Variants in OR56B4 observed in about 807,000 individuals in gnomAD.
The protein encoded by OR56B4 is olfactory receptor 56B4.
For missense variants in OR56B4, 447 were observed against 384.6 expected, an observed-to-expected ratio of 1.16 and a Z score of -1.36; for synonymous variants, 142 against 149.5, an observed-to-expected ratio of 0.95 and a Z score of 0.37.
In OR56B4 at chr11:6,107,718, G is replaced by A; in HGVS notation, c.-61G>A. The A allele has an allele frequency of 1.3e-6, 2 of 1,531,630 alleles. No homozygotes were observed. The highest frequency in any genetic ancestry group is 1.8e-6 in the Non-Finnish European group (2 of 1,129,114). The allele number at this position is 1,531,630 out of a possible 1,614,324, so 94.9% of individuals were successfully genotyped here. A position where few individuals can be genotyped will look rare whatever the true frequency, so the allele number is the denominator to read the frequency against. ...AACCACGATGCTCAGCCCCTTAGCT[G>A]AACTTTTAAACAGAGATTTCTTCTA... On this transcript the variant is annotated 5_prime_UTR_variant, in exon 1 of 1. The change abolishes the stop of an existing upstream ORF in the 5' untranslated region. Coordinates refer to ENST00000316529, the MANE Select transcript of OR56B4 (RefSeq NM_001005181.2).
Position 6,108,330 on chromosome 11 carries a change from C to T in OR56B4, c.552C>T (p.Leu184=), listed in dbSNP as rs1849027422. The change falls in exon 1 of 1, where the codon CTC becomes CTT. Residue 184 remains leucine, a synonymous_variant. Transcript: ENST00000316529. The part of the protein sequence containing the change: ...YCSRNEIEHC[L]CSNLGVISLA... ...CCAGGAATGAAATCGAGCACTGCCTCTGCTCTAACTTGGGGGTTATCAGCC... is the reference window on the plus strand; with the variant it reads ...CCAGGAATGAAATCGAGCACTGCCTTTGCTCTAACTTGGGGGTTATCAGCC... The T allele has an allele frequency of 1.2e-6, 2 of 1,614,094 alleles. No individual in the cohort carries two copies. The highest frequency in any genetic ancestry group is 2.7e-5 in the African/African-American group (2 of 74,932).
In OR56B4 at chr11:6,108,362, G is replaced by C; in HGVS notation, c.584G>C (p.Cys195Ser). ...AACTTGGGGGTTATCAGCCTGGCTT[G>C]TGATGACATCACTGTGAACAAATTT... ...CSNLGVISLA[C>S]DDITVNKFYQ... The change falls in exon 1 of 1, where the codon TGT (cysteine) becomes TCT (serine). Residue 195 changes from cysteine to serine, a missense_variant. Physicochemically the swap from Cys to Ser is moderately radical, Grantham distance 112. Coordinates refer to ENST00000316529, the MANE Select transcript of OR56B4 (RefSeq NM_001005181.2). 1 of 1,614,200 alleles carries C rather than the reference G, an allele frequency of 6.2e-7. No homozygotes were observed. Among genetic ancestry groups the C allele is most frequent in the Non-Finnish European group, 8.5e-7 (1 of 1,180,040 alleles).
rs1463066751 is a variant in OR56B4 at position 6,108,406 on chromosome 11, TGG to T, written c.630_631del (p.Trp210CysfsTer6). On this transcript the variant is annotated frameshift_variant, in exon 1 of 1. Coordinates refer to ENST00000316529, the MANE Select transcript of OR56B4 (RefSeq NM_001005181.2). LOFTEE classifies it low-confidence loss of function (END_TRUNC). Reference sequence around the variant, plus strand: ...CAAATTTTACCAACTGATGCTAGCATGGGTCTTGGTTGGGAGTGATATGGCTC... The same window carrying T: ...CAAATTTTACCAACTGATGCTAGCATGTCTTGGTTGGGAGTGATATGGCTC... ...VNKFYQLMLA[W>X]VLVGSDMALV... 3.7e-6 allele frequency: 6 copies of T among 1,614,004 alleles called. No homozygotes were observed. The highest frequency in any genetic ancestry group is 5.1e-6 in the Non-Finnish European group (6 of 1,180,022).
In OR56B4 at chr11:6,107,738, CTTCT is replaced by C. The variant is rs1284045861; in HGVS notation, c.-40_-37del. On this transcript the variant is annotated 5_prime_UTR_variant, in exon 1 of 1. The change creates a premature stop within an existing upstream ORF in the 5' untranslated region. Coordinates refer to ENST00000316529, the MANE Select transcript of OR56B4 (RefSeq NM_001005181.2). ...TAGCTGAACTTTTAAACAGAGATTT[CTTCT>C]ATTTCAGACAGACACTGAGACTGAG... 2 of 1,564,698 alleles carry C rather than the reference CTTCT, an allele frequency of 1.3e-6. No individual in the cohort carries two copies. The highest frequency in any genetic ancestry group is 1.7e-6 in the Non-Finnish European group (2 of 1,153,500).
chr11:6,108,132 A>AG lies in OR56B4; in HGVS notation c.356dup (p.Ile120HisfsTer25), dbSNP rs768788427. On this transcript the variant is annotated frameshift_variant, in exon 1 of 1. Transcript: ENST00000316529. LOFTEE classifies it low-confidence loss of function (END_TRUNC). The stretch of plus-strand genomic sequence containing the variant: ...TCCACTGCTTCTTCTGCATAGAGTC[A>AG]GGCATCTTTCTCTGCATGGCAGTAG... 6.2e-7 allele frequency: 1 copy of AG among 1,614,146 alleles called. No homozygotes were observed. The highest frequency in any genetic ancestry group is 8.5e-7 in the Non-Finnish European group (1 of 1,180,040).
chr11:6,108,019 A>C lies in OR56B4; in HGVS notation c.241A>C (p.Thr81Pro). 6.2e-7 allele frequency: 1 copy of C among 1,614,180 alleles called. No individual in the cohort carries two copies. Among genetic ancestry groups the C allele is most frequent in the South Asian group, 1.1e-5 (1 of 91,084 alleles). Residue 81 changes from threonine (T) to proline (P), a missense_variant, in exon 1 of 1, where the codon ACC becomes CCC. Physicochemically the swap from Thr to Pro is conservative, Grantham distance 38 (BLOSUM62 -1). Transcript: ENST00000316529. The stretch of plus-strand genomic sequence containing the variant: ...AGCAGTGGTGGACATTGGCCTGGCC[A>C]CCACCATCATGCCCAAGATCCTGGC... ...ILAVVDIGLA[T>P]TIMPKILAIF...
At position 6,108,356 on chromosome 11, in the gene OR56B4, T is replaced by C; in HGVS notation, c.578T>C (p.Leu193Pro). The change falls in exon 1 of 1, where the codon CTG becomes CCG. Residue 193 changes from leucine (L) to proline (P), a missense_variant. Leu to Pro is a moderately conservative substitution (Grantham distance 98, BLOSUM62 -3). Coordinates refer to ENST00000316529, the MANE Select transcript of OR56B4 (RefSeq NM_001005181.2). ...TGCTCTAACTTGGGGGTTATCAGCCTGGCTTGTGATGACATCACTGTGAAC... is the reference window on the plus strand; with the variant it reads ...TGCTCTAACTTGGGGGTTATCAGCCCGGCTTGTGATGACATCACTGTGAAC... The part of the protein sequence containing the change: ...CLCSNLGVIS[L>P]ACDDITVNKF... The C allele has an allele frequency of 1.2e-6, 2 of 1,614,216 alleles. No individual in the cohort carries two copies. Among genetic ancestry groups the C allele is most frequent in the East Asian group, 4.5e-5 (2 of 44,882 alleles).
chr11:6,108,233 G>C lies in OR56B4; in HGVS notation c.455G>C (p.Gly152Ala), dbSNP rs144279459. The part of the protein sequence containing the change: ...VTKAFVFKAT[G>A]FIMLRNGLLT... The stretch of plus-strand genomic sequence containing the variant: ...AAAGCTTTTGTCTTCAAAGCCACAG[G>C]GTTCATCATGCTCAGGAATGGCCTG... Residue 152 changes from glycine to alanine, a missense_variant, in exon 1 of 1, where the codon GGG becomes GCG. By Grantham distance (60) the Gly-to-Ala change is moderately conservative. Transcript: ENST00000316529. The C allele has an allele frequency of 3.1e-6, 5 of 1,614,104 alleles. No individual in the cohort carries two copies. In the East Asian group the frequency reaches 8.9e-5, roughly 29 times the overall value.
In OR56B4 at chr11:6,108,311, A is replaced by T. The variant is rs774631377; in HGVS notation, c.533A>T (p.Asn178Ile). Residue 178 changes from asparagine to isoleucine, a missense_variant, in exon 1 of 1, where the codon AAT becomes ATT. Transcript: ENST00000316529. The stretch of plus-strand genomic sequence containing the variant: ...GCCCAGAGACACTACTGTTCCAGGA[A>T]TGAAATCGAGCACTGCCTCTGCTCT... The part of the protein sequence containing the change: ...LAAQRHYCSR[N>I]EIEHCLCSNL... 3.2e-5 allele frequency: 52 copies of T among 1,614,096 alleles called. No individual in the cohort carries two copies. The Middle Eastern group carries it at 8.2e-4, about 26-fold the overall frequency.
chr11:6,108,654 C>T lies in OR56B4; in HGVS notation c.876C>T (p.Asn292=), dbSNP rs760214067. 18 of 1,613,946 alleles carry T rather than the reference C, an allele frequency of 1.1e-5. 1 individual carries two copies. Among genetic ancestry groups the T allele is most frequent in the Non-Finnish European group, 1.3e-5 (15 of 1,179,952 alleles). Reference sequence around the variant, plus strand: ...ACAATGTCATCCCCCCTGCACTCAACCCCCTGGCCTGTGCACTCAGGATGC... The same window carrying T: ...ACAATGTCATCCCCCCTGCACTCAATCCCCTGGCCTGTGCACTCAGGATGC... ...VLHNVIPPAL[N]PLACALRMHK... is the part of the protein sequence containing the mutation. The change falls in exon 1 of 1, where the codon AAC becomes AAT. Residue 292 remains asparagine, a synonymous_variant. Coordinates refer to ENST00000316529, the MANE Select transcript of OR56B4 (RefSeq NM_001005181.2).
chr11:6,108,005 A>G lies in OR56B4; in HGVS notation c.227A>G (p.Asp76Gly), dbSNP rs1333769862. The change falls in exon 1 of 1, where the codon GAC (aspartate) becomes GGC (glycine). Residue 76 changes from aspartate to glycine, a missense_variant. Coordinates refer to ENST00000316529, the MANE Select transcript of OR56B4 (RefSeq NM_001005181.2). Reference protein sequence around the residue: ...YHLLGILAVVDIGLATTIMPK... With the variant: ...YHLLGILAVVGIGLATTIMPK... ...TTGCTGGGCATATTAGCAGTGGTGG[A>G]CATTGGCCTGGCCACCACCATCATG... 2 of 1,614,116 alleles carry G rather than the reference A, an allele frequency of 1.2e-6. No homozygotes were observed. The highest frequency in any genetic ancestry group is 8.5e-7 in the Non-Finnish European group (1 of 1,179,998).
chr11:6,107,835 C>A lies in OR56B4; in HGVS notation c.57C>A (p.Ile19=), dbSNP rs1427039392. 1 of 1,613,794 alleles carries A rather than the reference C, an allele frequency of 6.2e-7. No individual in the cohort carries two copies. The highest frequency in any genetic ancestry group is 8.5e-7 in the Non-Finnish European group (1 of 1,179,814). ...CCAGCCTCCAGATTTCCCAGTTCAT[C>A]CTGATGGGATTACCAGGCATTCATG... is the stretch of plus-strand genomic sequence containing the variant. ...YDSSLQISQF[I]LMGLPGIHEW... is the part of the protein sequence containing the mutation. The change falls in exon 1 of 1, where the codon ATC becomes ATA. Residue 19 remains isoleucine (I), a synonymous_variant. Coordinates refer to ENST00000316529, the MANE Select transcript of OR56B4 (RefSeq NM_001005181.2).
In OR56B4 at chr11:6,107,769, C is replaced by A. The variant is rs1296991526; in HGVS notation, c.-10C>A. On this transcript the variant is annotated 5_prime_UTR_variant, in exon 1 of 1. Coordinates refer to ENST00000316529, the MANE Select transcript of OR56B4 (RefSeq NM_001005181.2). The stretch of plus-strand genomic sequence containing the variant: ...TTTCAGACAGACACTGAGACTGAGG[C>A]ACCCATTCCATGGATACCTCCACCA... 1.3e-6 allele frequency: 2 copies of A among 1,599,194 alleles called. No individual in the cohort carries two copies. The highest frequency in any genetic ancestry group is 3.4e-5 in the Admixed American group (2 of 59,416).
In OR56B4 at chr11:6,108,654, C is replaced by A; in HGVS notation, c.876C>A (p.Asn292Lys). Residue 292 changes from asparagine to lysine, a missense_variant, in exon 1 of 1, where the codon AAC (asparagine) becomes AAA (lysine). By Grantham distance (94) the Asn-to-Lys change is moderately conservative. Coordinates refer to ENST00000316529, the MANE Select transcript of OR56B4 (RefSeq NM_001005181.2). ...VLHNVIPPAL[N>K]PLACALRMHK... ...ACAATGTCATCCCCCCTGCACTCAA[C>A]CCCCTGGCCTGTGCACTCAGGATGC... is the stretch of plus-strand genomic sequence containing the variant. The A allele has an allele frequency of 1.2e-6, 2 of 1,614,066 alleles. No homozygotes were observed. Among genetic ancestry groups the A allele is most frequent in the Non-Finnish European group, 1.7e-6 (2 of 1,179,944 alleles).
Position 6,107,967 on chromosome 11 carries a change from A to G in OR56B4, c.189A>G (p.Glu63=). Residue 63 remains glutamate, a synonymous_variant, in exon 1 of 1, where the codon GAA becomes GAG. Coordinates refer to ENST00000316529, the MANE Select transcript of OR56B4 (RefSeq NM_001005181.2). The part of the protein sequence containing the change: ...ITIQHETVLH[E]PMYHLLGILA... ...TTCAACATGAGACCGTGCTACATGA[A>G]CCCATGTACCATTTGCTGGGCATAT... 6.2e-7 allele frequency: 1 copy of G among 1,613,370 alleles called. No homozygotes were observed. The highest frequency in any genetic ancestry group is 1.1e-5 in the South Asian group (1 of 91,060).
At position 6,108,079 on chromosome 11, in the gene OR56B4, C is replaced by T; in HGVS notation, c.301C>T (p.Pro101Ser). The T allele has an allele frequency of 6.2e-7, 1 of 1,614,114 alleles. No individual in the cohort carries two copies. The highest frequency in any genetic ancestry group is 8.5e-7 in the Non-Finnish European group (1 of 1,180,012). Residue 101 changes from proline (P) to serine (S), a missense_variant, in exon 1 of 1, where the codon CCC (proline) becomes TCC (serine). Physicochemically the swap from Pro to Ser is moderately conservative, Grantham distance 74 (BLOSUM62 -1). Coordinates refer to ENST00000316529, the MANE Select transcript of OR56B4 (RefSeq NM_001005181.2). Reference protein sequence around the residue: ...FWFDAKAISLPMCFAQIYAIH... With the variant: ...FWFDAKAISLSMCFAQIYAIH... ...GTTTGATGCCAAGGCCATTAGCCTC[C>T]CCATGTGTTTTGCTCAGATCTATGC... is the stretch of plus-strand genomic sequence containing the variant.
rs1590534650 is a variant in OR56B4 at position 6,107,839 on chromosome 11, A to T, written c.61A>T (p.Met21Leu). Residue 21 changes from methionine (M) to leucine (L), a missense_variant, in exon 1 of 1, where the codon ATG (methionine) becomes TTG (leucine). Physicochemically the swap from Met to Leu is conservative, Grantham distance 15. Transcript: ENST00000316529. Reference sequence around the variant, plus strand: ...CCTCCAGATTTCCCAGTTCATCCTGATGGGATTACCAGGCATTCATGAGTG... The same window carrying T: ...CCTCCAGATTTCCCAGTTCATCCTGTTGGGATTACCAGGCATTCATGAGTG... ...SSLQISQFIL[M>L]GLPGIHEWQH... is the part of the protein sequence containing the mutation. 6.2e-7 allele frequency: 1 copy of T among 1,613,922 alleles called. No homozygotes were observed. Among genetic ancestry groups the T allele is most frequent in the Non-Finnish European group, 8.5e-7 (1 of 1,179,800 alleles).
chr11:6,108,833 A>G lies in OR56B4; in HGVS notation c.*95A>G. The G allele has an allele frequency of 8.5e-7, 1 of 1,173,972 alleles. No homozygotes were observed. 72.7% of individuals were successfully genotyped at this position (1,173,972 alleles called of 1,614,324 possible). On this transcript the variant is annotated 3_prime_UTR_variant, in exon 1 of 1. Transcript: ENST00000316529. ...ATAATCTGCACTTACCACACTCCCT[A>G]GGAAAAAAATGGCCAATAAAATCAT...
At position 6,108,221 on chromosome 11, in the gene OR56B4, T is replaced by G; in HGVS notation, c.443T>G (p.Phe148Cys). Residue 148 changes from phenylalanine to cysteine, a missense_variant, in exon 1 of 1, where the codon TTC becomes TGC. By Grantham distance (205) the Phe-to-Cys change is radical. Transcript: ENST00000316529. The part of the protein sequence containing the change: ...YPSIVTKAFV[F>C]KATGFIMLRN... Reference sequence around the variant, plus strand: ...TCCATAGTCACTAAAGCTTTTGTCTTCAAAGCCACAGGGTTCATCATGCTC... The same window carrying G: ...TCCATAGTCACTAAAGCTTTTGTCTGCAAAGCCACAGGGTTCATCATGCTC... The G allele has an allele frequency of 6.2e-7, 1 of 1,614,170 alleles. No homozygotes were observed. The highest frequency in any genetic ancestry group is 2.2e-5 in the East Asian group (1 of 44,874).
Sources: gnomAD v4.1 joint callset for allele counts on GRCh38, gnomAD v4.1.1 for gene constraint, MANE v1.5 for transcripts, NCBI Gene and HGNC (gene_info 2026-07-23, HGNC 2026-07-21) for gene names.